The following RANBP3 variants were observed in gnomAD, a reference collection of about 807,000 sequenced individuals.
The protein encoded by RANBP3 is RAN binding protein 3, also known as ran-binding protein 3.
RANBP3 carries 14 observed loss-of-function variants against 77.3 expected under a neutral mutation model. That is an observed-to-expected ratio of 0.18 (90% confidence interval 0.12 to 0.28). RANBP3 has a LOEUF of 0.28. Ranked by LOEUF, RANBP3 falls within the 10% of genes least tolerant of loss-of-function variation. RANBP3 has a pLI of 1.00. For missense variants in RANBP3, 586 were observed against 752.3 expected, an observed-to-expected ratio of 0.78 and a Z score of 2.59; for synonymous variants, 315 against 312.4, an observed-to-expected ratio of 1.01 and a Z score of -0.09.
chr19:5,969,468 A>G (rs2058505723), intron 1 of RANBP3, among the ~76,000 whole-genome samples: 1 of 152,266 alleles, frequency 6.6e-6, no homozygotes, highest in South Asian at 2.1e-4. Context: ...TTACTGCAAA[A>G]GGCAAGGCCT....
At chr19:5,934,168 CCACCTGTCCA>C (rs2058034475) in intron 5 of RANBP3, 1 of 152,290 alleles carries the variant, frequency 6.6e-6, no homozygotes, top group Non-Finnish European at 1.5e-5. Context: ...CCTCGCCCAG[CCACCTGTCCA>C]CATGGACCCC....
chr19:5,977,843 G>A (rs924097104), intron 1 of RANBP3, among the ~76,000 whole-genome samples: 1 of 152,226 alleles, frequency 6.6e-6, no homozygotes, highest in South Asian at 2.1e-4. Context: ...CTAGCCAGAC[G>A]GCTGCAGTGG....
intron 8 of RANBP3, among the ~76,000 whole-genome samples, chr19:5,929,477 TTC>T (rs1217193164): frequency 1.3e-5 from 2 of 152,244 alleles, no homozygotes; most frequent in Non-Finnish European, 2.9e-5. Flanking sequence ...AGCAAAATGT[TTC>T]TGACTACAGG....
At chr19:5,975,749 T>G (rs1207644601) in intron 1 of RANBP3, among the ~76,000 whole-genome samples, 1 of 150,428 alleles carries the variant, frequency 6.6e-6, no homozygotes, top group Non-Finnish European at 1.5e-5. Context: ...CCAGAGAAGC[T>G]CTCATTAATA....
intron 13 of RANBP3, among the ~76,000 whole-genome samples, chr19:5,922,110 G>A (rs2057828738): frequency 6.6e-6 from 1 of 151,912 alleles, no homozygotes; most frequent in Non-Finnish European, 1.5e-5. Context: ...CTTTTTGGGG[G>A]CAGAAATGTT....
At chr19:5,949,793 G>A (rs928274039) in intron 3 of RANBP3, among the ~76,000 whole-genome samples, 7 of 152,168 alleles carry the variant, frequency 4.6e-5, no homozygotes, top group Admixed American at 2.0e-4. Flanking sequence ...ACATGTGGAC[G>A]AGGTGAGGCC....
At chr19:5,925,063 C>A in intron 10 of RANBP3, 158 bp from the exon 11 acceptor site, 1 of 703,964 alleles carries the variant, frequency 1.4e-6, no homozygotes, top group Admixed American at 2.2e-5. Flanking sequence ...AAGCCACACA[C>A]CTCCCTGTGC....
At chr19:5,923,725 T>TC in intron 12 of RANBP3, 87 bp downstream of exon 12, 1 of 1,083,400 alleles carries the variant, frequency 9.2e-7, no homozygotes, top group South Asian at 1.4e-5. Context: ...GGGCCCCTTA[T>TC]CCCTCCCGGC....
chr19:5,923,251 A>G lies in RANBP3; in HGVS notation c.1152T>C (p.Cys384=), dbSNP rs763924475. 3 of 1,614,100 alleles carry G rather than the reference A, an allele frequency of 1.9e-6. No homozygotes were observed. The highest frequency in any genetic ancestry group is 3.3e-5 in the Admixed American group (2 of 60,018). ...TGATGACTTCCACTTTTTCCAACAAACACTTCCGCGCTGTTGCCTTGGTGT... is the reference window on the plus strand; with the variant it reads ...TGATGACTTCCACTTTTTCCAACAAGCACTTCCGCGCTGTTGCCTTGGTGT... ...AAYTKATARK[C]LLEKVEVITG... is the part of the protein sequence containing the mutation. The change falls in exon 13 of 17, where the codon TGT becomes TGC. Residue 384 remains cysteine, a synonymous_variant. Transcript: ENST00000340578.
chr19:5,970,746 A>C (rs910416234), intron 1 of RANBP3, among the ~76,000 whole-genome samples: 2 of 152,224 alleles, frequency 1.3e-5, no homozygotes, highest in Non-Finnish European at 2.9e-5. Context: ...ACTGACATGT[A>C]TCTCCACATT....
intron 1 of RANBP3, among the ~76,000 whole-genome samples, chr19:5,975,188 G>A (rs2058575755): frequency 6.6e-6 from 1 of 152,194 alleles, no homozygotes; most frequent in Non-Finnish European, 1.5e-5. Context: ...AACACACAAT[G>A]ACTGATTGAA....
At chr19:5,966,894 C>T (rs1008042472) in intron 1 of RANBP3, among the ~76,000 whole-genome samples, 2 of 152,170 alleles carry the variant, frequency 1.3e-5, no homozygotes, top group African/African-American at 4.8e-5. Context: ...AATCTTCTTA[C>T]CTGTGAAAAA....
chr19:5,944,175 G>A (rs1386483249), intron 3 of RANBP3, among the ~76,000 whole-genome samples: 2 of 152,188 alleles, frequency 1.3e-5, no homozygotes, highest in African/African-American at 2.4e-5. Flanking sequence ...ACTCCCAACC[G>A]ATGTAAAATC....
Position 5,916,355 on chromosome 19 carries a change from T to A in RANBP3, c.*1255A>T, listed in dbSNP as rs1270277416. 1 of 151,566 alleles carries A rather than the reference T, an allele frequency of 6.6e-6. No homozygotes were observed. Among genetic ancestry groups the A allele is most frequent in the East Asian group, 1.9e-4 (1 of 5,134 alleles). The allele number at this position is 151,566 out of a possible 1,614,324, so 9.4% of individuals were successfully genotyped here. ...GGCCAGGGCTCTGGCGACCTAGAGG[T>A]GTGGACGGCACAGCTGCAGGAGGCC... On this transcript the variant is annotated 3_prime_UTR_variant, in exon 17 of 17. Transcript: ENST00000340578.
intron 1 of RANBP3, among the ~76,000 whole-genome samples, chr19:5,967,600 A>T (rs2058482734): frequency 6.6e-6 from 1 of 152,262 alleles, no homozygotes; most frequent in South Asian, 2.1e-4. Flanking sequence ...TACCTTTATC[A>T]GCCCTGCAGC....
At chr19:5,929,593 G>A (rs938213289) in intron 8 of RANBP3, among the ~76,000 whole-genome samples, 3 of 152,242 alleles carry the variant, frequency 2.0e-5, no homozygotes, top group African/African-American at 7.2e-5. Context: ...GTGTGGGGCG[G>A]GAGGGGAAGC....
rs192118962 is a variant in RANBP3 at position 5,958,407 on chromosome 19, G to T, written c.23-434C>A. ...AGGGCAAAAAAAAGGGCCACCGCTC[G>T]CGCTGTTTGCAGACAGTTCTGGTAG... On this transcript the variant is annotated intron_variant, in intron 1 of 16. Coordinates refer to ENST00000340578, the MANE Select transcript of RANBP3 (RefSeq NM_007322.3). This position sits in a 1 kb window ranked among gnomAD's most constrained non-coding sequence, Gnocchi z 4.4. 6.6e-6 allele frequency among the ~76,000 whole-genome samples: 1 copy of T among 152,234 alleles called. No homozygotes were observed. The highest frequency in any genetic ancestry group is 1.5e-5 in the Non-Finnish European group (1 of 68,048).
intron 9 of RANBP3, 35 bp from the exon 10 acceptor site, chr19:5,925,772 T>TG (rs756115756): frequency 5.1e-5 from 61 of 1,202,952 alleles, no homozygotes; most frequent in Admixed American, 1.6e-4. Flanking sequence ...TAATCGGGGG[T>TG]GGGGGGGTGC....
intron 13 of RANBP3, among the ~76,000 whole-genome samples, chr19:5,922,180 T>A (rs2057829915): frequency 1.3e-5 from 2 of 152,202 alleles, no homozygotes. Flanking sequence ...ACCACGGAAT[T>A]GTATGCTTTA....
Sources: allele counts gnomAD v4.1 joint callset (sites outside exome capture counted in the v4.1 genomes callset), GRCh38; gene constraint gnomAD v4.1.1; non-coding constraint Gnocchi (gnomAD v3.1); transcripts MANE v1.5; gene names NCBI Gene and HGNC (gene_info 2026-07-23, HGNC 2026-07-21).